MTMR1: variants seen among roughly 807,000 people sequenced by gnomAD.
MTMR1 encodes the protein phosphatidylinositol-3-phosphate phosphatase MTMR1.
In MTMR1, 17 loss-of-function variants were observed where a neutral mutation model predicts 51.6. The ratio of observed to expected loss-of-function variants is 0.33; its 90% CI spans 0.23 to 0.49. MTMR1 has a LOEUF of 0.49. Ranked by LOEUF, MTMR1 falls within the 20% of genes least tolerant of loss-of-function variation. The pLI, the probability that MTMR1 is intolerant of heterozygous loss-of-function variation, is 0.99. For missense variants in MTMR1, 386 were observed against 526.9 expected (o/e 0.73, Z 2.62); for synonymous variants, 201 against 205.6 (o/e 0.98, Z 0.19).
At chrX:150,701,930 T>C (rs1424528251) in intron 2 of MTMR1, among the ~76,000 whole-genome samples, 1 of 111,551 alleles carries the variant, frequency 9.0e-6, no homozygotes, top group East Asian at 2.8e-4. Flanking sequence ...CCTAGAGAGA[T>C]GAAATGACTT....
In MTMR1 at chrX:150,704,542, G is replaced by C. The variant is rs1208288812; in HGVS notation, c.252+5242G>C. Among the ~76,000 whole-genome samples the C allele has an allele frequency of 5.4e-5, 6 of 111,749 alleles. No homozygotes were observed. The South Asian group carries it at 1.1e-3, about 21-fold the overall frequency. The stretch of plus-strand genomic sequence containing the variant: ...CCCTTCTACTGTGGTGTCAGTAGAG[G>C]CCGTATCAAGGGCAACAATGAGGCA... On this transcript the variant is annotated intron_variant, in intron 2 of 15. Coordinates refer to ENST00000445323, the MANE Select transcript of MTMR1 (RefSeq NM_001306144.3).
intron 8 of MTMR1, 117 bp from the exon 9 acceptor site, chrX:150,731,350 CAAT>C: frequency 1.7e-6 from 1 of 590,215 alleles, no homozygotes. Context: ...TTACAATAAA[CAAT>C]AAATTATAAA....
rs782176249 is a variant in MTMR1, at chrX:150,698,554, C to T, written c.147-641C>T. On this transcript the variant is annotated intron_variant, in intron 1 of 15. Coordinates refer to ENST00000445323, the MANE Select transcript of MTMR1 (RefSeq NM_001306144.3). ...AGATAAATATTTCACATATTTCTCC[C>T]GGCTGGGTGTGGTGGCTCATGCCTG... Among the ~76,000 whole-genome samples the T allele has an allele frequency of 5.4e-5, 6 of 110,308 alleles. No individual in the cohort carries two copies. The South Asian group carries it at 1.1e-3, about 21-fold the overall frequency.
intron 3 of MTMR1, chrX:150,712,718 T>C: frequency 9.2e-6 from 2 of 216,956 alleles, no homozygotes; most frequent in Non-Finnish European, 1.7e-5. Flanking sequence ...TATTGTGTAA[T>C]TCATGCTACA....
At chrX:150,722,067 G>A (rs918209577) in intron 4 of MTMR1, among the ~76,000 whole-genome samples, 1 of 111,275 alleles carries the variant, frequency 9.0e-6, no homozygotes, top group South Asian at 3.7e-4. Flanking sequence ...AATTTTCTTC[G>A]ATTATTGAGT....
At chrX:150,757,784 T>C (rs1392885680) in intron 15 of MTMR1, among the ~76,000 whole-genome samples, 1 of 112,283 alleles carries the variant, frequency 8.9e-6, no homozygotes, top group Non-Finnish European at 1.9e-5. Context: ...GCCAGGGAGC[T>C]GCTGGGACTT....
intron 2 of MTMR1, among the ~76,000 whole-genome samples, chrX:150,711,573 A>T (rs2041307298): frequency 8.9e-6 from 1 of 112,165 alleles, no homozygotes; most frequent in Admixed American, 9.4e-5. Flanking sequence ...TGTATGCTGC[A>T]TGTTCAATTA....
At chrX:150,750,526 A>G (rs1481954493) in intron 13 of MTMR1, among the ~76,000 whole-genome samples, 1 of 112,093 alleles carries the variant, frequency 8.9e-6, no homozygotes, top group Non-Finnish European at 1.9e-5. Flanking sequence ...GAGTACAACA[A>G]ATTTAGTTGC....
Position 150,762,579 on chromosome X carries a change from G to T in MTMR1, c.1872G>T (p.Gln624His). ...PRMRPQMPIH[Q>H]NLKELLAVRA... ...GCTCCCTCCAGATGCCCATTCACCA[G>T]AATCTCAAGGAGCTGCTGGCCGTCA... The change falls in exon 16 of 16, where the codon CAG becomes CAT. Residue 624 changes from glutamine to histidine, a missense_variant. Transcript: ENST00000445323. 2 of 1,212,233 alleles carry T rather than the reference G, an allele frequency of 1.6e-6. No homozygotes were observed. Among genetic ancestry groups the T allele is most frequent in the Non-Finnish European group, 2.2e-6 (2 of 895,617 alleles).
Position 150,762,882 on chromosome X carries a change from C to T in MTMR1, c.*153C>T. 1.6e-6 allele frequency: 1 copy of T among 612,501 alleles called. No homozygotes were observed. Among genetic ancestry groups the T allele is most frequent in the Non-Finnish European group, 2.3e-6 (1 of 436,472 alleles). The allele number at this position is 612,501 out of a possible 1,213,427, so 50.5% of individuals were successfully genotyped here. ...AGGTGACAGCTCCCACTGTTGGCAA[C>T]CGTTACCCTCCTGTCAGCGGTTTCA... On this transcript the variant is annotated 3_prime_UTR_variant, in exon 16 of 16. Transcript: ENST00000445323.
intron 3 of MTMR1, 127 bp from the exon 4 acceptor site, chrX:150,718,498 C>T (rs915363943): frequency 4.5e-5 from 38 of 853,086 alleles, no homozygotes; most frequent in South Asian, 2.8e-4. Context: ...TTATTTTGCA[C>T]GCTTCTGTAG....
intron 15 of MTMR1, 146 bp from the exon 16 acceptor site, chrX:150,762,419 C>T (rs1167602842): frequency 2.5e-5 from 18 of 718,817 alleles, no homozygotes; most frequent in Admixed American, 5.9e-5. Context: ...GTCCACCTGA[C>T]GCGAGATCGG....
chrX:150,722,761 A>G (rs1185467997), intron 4 of MTMR1, among the ~76,000 whole-genome samples: 1 of 110,599 alleles, frequency 9.0e-6, no homozygotes, highest in Non-Finnish European at 1.9e-5. Context: ...CACTATCTTG[A>G]TAATTGGTTT....
At chrX:150,702,282 A>T (rs2040942610) in intron 2 of MTMR1, among the ~76,000 whole-genome samples, 2 of 110,137 alleles carry the variant, frequency 1.8e-5, no homozygotes, top group African/African-American at 6.6e-5. Context: ...TCTCTGGAGC[A>T]CCTGTAAAAA....
At chrX:150,736,806 C>T (rs782378378) in intron 11 of MTMR1, 26 bp downstream of exon 11, 17 of 1,154,846 alleles carry the variant, frequency 1.5e-5, no homozygotes, top group Non-Finnish European at 2.0e-5. Context: ...ACTTTATATG[C>T]TTTCCAGTTA....
intron 2 of MTMR1, among the ~76,000 whole-genome samples, chrX:150,702,127 TC>T (rs1287449025): frequency 1.9e-5 from 2 of 106,041 alleles, no homozygotes; most frequent in East Asian, 2.9e-4. Context: ...TTACTACGTT[TC>T]CCAGGCTGGT....
chrX:150,730,140 A>G lies in MTMR1; in HGVS notation c.587A>G (p.Gln196Arg), dbSNP rs2042069469. 1 of 1,201,065 alleles carries G rather than the reference A, an allele frequency of 8.3e-7. No individual in the cohort carries two copies. The highest frequency in any genetic ancestry group is 2.3e-5 in the Admixed American group (1 of 43,903). The change falls in exon 7 of 16, where the codon CAG becomes CGG. Residue 196 changes from glutamine to arginine, a missense_variant. Physicochemically the swap from Gln to Arg is conservative, Grantham distance 43. Transcript: ENST00000445323. ...AGGAACTTGCGGCTTGCTTATAAAC[A>G]GGAAGAACAGAGTAAACTAGGGATA... ...DMRNLRLAYK[Q>R]EEQSKLGIFE...
At chrX:150,755,894 G>C (rs1388494526) in intron 15 of MTMR1, 29 bp downstream of exon 15, 1 of 1,132,550 alleles carries the variant, frequency 8.8e-7, no homozygotes, top group Non-Finnish European at 1.2e-6. Context: ...TTTCATGAAT[G>C]AGAGAGTTTG....
At chrX:150,709,548 G>A (rs185628031) in intron 2 of MTMR1, among the ~76,000 whole-genome samples, 85 of 112,177 alleles carry the variant, frequency 7.6e-4, no homozygotes, top group Admixed American at 1.4e-3. Flanking sequence ...AAATACCTGA[G>A]ACTGGGTAAT....
Sources: allele counts gnomAD v4.1 joint callset (sites outside exome capture counted in the v4.1 genomes callset), GRCh38; gene constraint gnomAD v4.1.1; transcripts MANE v1.5; gene names NCBI Gene and HGNC (gene_info 2026-07-23, HGNC 2026-07-21).